Variants in PCDH15 observed in about 807,000 individuals in gnomAD.
PCDH15 encodes protocadherin related 15, also known as protocadherin-15.
PCDH15 carries 129 observed loss-of-function variants against 178.5 expected under a neutral mutation model. That is an observed-to-expected ratio of 0.72 (90% CI 0.63 to 0.84). The LOEUF is 0.84. Among genes scored for constraint, PCDH15 ranks in the 40% least tolerant of loss-of-function variants. PCDH15 has a pLI of 0.00. For missense variants in PCDH15, 2,230 were observed against 2,099.9 expected, an observed-to-expected ratio of 1.06 and a Z score of -1.21; for synonymous variants, 800 against 732.0, an observed-to-expected ratio of 1.09 and a Z score of -1.50.
At chr10:54,504,081 T>C (rs2080961577) in intron 3 of PCDH15, among the ~76,000 whole-genome samples, 1 of 152,162 alleles carries the variant, frequency 6.6e-6, no homozygotes, top group Non-Finnish European at 1.5e-5. Context: ...AGTTGTCTTC[T>C]AATCTTAAAA....
At chr10:55,595,125 G>T (rs1842913978) in intron 2 of PCDH15, among the ~76,000 whole-genome samples, 1 of 151,966 alleles carries the variant, frequency 6.6e-6, no homozygotes, top group Non-Finnish European at 1.5e-5. Flanking sequence ...ATAAGTTTCA[G>T]ATTCTTTGAA....
intron 18 of PCDH15, among the ~76,000 whole-genome samples, chr10:54,064,613 C>T (rs911183263): frequency 3.3e-5 from 5 of 152,194 alleles, no homozygotes; most frequent in African/African-American, 9.6e-5. Context: ...CTTGGCCTCC[C>T]TCCTATGTTC....
chr10:54,332,729 T>C (rs1196842692), intron 6 of PCDH15, among the ~76,000 whole-genome samples: 1 of 152,042 alleles, frequency 6.6e-6, no homozygotes, highest in Non-Finnish European at 1.5e-5. Flanking sequence ...CTTAAATGTC[T>C]AGCTAAGCAA....
intron 1 of PCDH15, among the ~76,000 whole-genome samples, chr10:54,718,524 T>C (rs12764105): frequency 0.12 from 18,191 of 151,858 alleles, 1,242 homozygotes; most frequent in East Asian, 0.25. Flanking sequence ...CTACAAATCA[T>C]ACATTATAGA....
At chr10:53,968,185 C>T (rs185344892) in intron 21 of PCDH15, among the ~76,000 whole-genome samples, 223 of 152,316 alleles carry the variant, frequency 1.5e-3, no homozygotes, top group African/African-American at 5.2e-3. Context: ...TCTTAGCAAA[C>T]GGCCCACCAG....
chr10:55,329,902 A>G (rs769750794), intron 2 of PCDH15, among the ~76,000 whole-genome samples: 4 of 151,666 alleles, frequency 2.6e-5, no homozygotes, highest in Non-Finnish European at 5.9e-5. Flanking sequence ...GTAACTGTTT[A>G]ATTAGGGTAA....
At chr10:55,234,263 T>C (rs549881855) in intron 1 of PCDH15, among the ~76,000 whole-genome samples, 1 of 152,268 alleles carries the variant, frequency 6.6e-6, no homozygotes, top group East Asian at 1.9e-4. Context: ...ACATGAAAGT[T>C]ACAGAAATAT....
rs527509597 is a variant in PCDH15 at position 55,024,699 on chromosome 10, T to A, written c.-79-127199A>T. On this transcript the variant is annotated intron_variant, in intron 2 of 5. Coordinates refer to the PCDH15 transcript ENST00000458638. ...GACTTAGAAATCTAAGAATTATCCT[T>A]ACTTCCTTATATTCTTGAAAGCTCA... Among the ~76,000 whole-genome samples the A allele has an allele frequency of 2.2e-3, 338 of 152,250 alleles. 3 individuals carry two copies. Among genetic ancestry groups the A allele is most frequent in the South Asian group, 8.5e-3 (41 of 4,834 alleles).
Position 54,161,576 on chromosome 10 carries a change from A to G in PCDH15, c.1591-8283T>C, listed in dbSNP as rs368655623. On this transcript the variant is annotated intron_variant, in intron 13 of 37. Coordinates refer to ENST00000644397, the MANE Select transcript of PCDH15 (RefSeq NM_001384140.1). ...TTTACTGGTCTTTGAATAAACACAGAAATTGACCCCCCACCCCCACCCCAC... is the reference window on the plus strand; with the variant it reads ...TTTACTGGTCTTTGAATAAACACAGGAATTGACCCCCCACCCCCACCCCAC... Among the ~76,000 whole-genome samples, 1,278 of 141,814 alleles carry G rather than the reference A, an allele frequency of 9.0e-3. 20 individuals are homozygous for G. Among genetic ancestry groups the G allele is most frequent in the African/African-American group, 0.03 (1,189 of 40,180 alleles). 93.0% of individuals were successfully genotyped at this position (141,814 alleles called of 152,430 possible).
rs1845289152 is a variant in PCDH15 at position 55,363,798 on chromosome 10, A to G, written c.-155-197147T>C. Among the ~76,000 whole-genome samples, 3 of 151,542 alleles carry G rather than the reference A, an allele frequency of 2.0e-5. No homozygotes were observed. The South Asian group carries it at 6.2e-4, about 32-fold the overall frequency. On this transcript the variant is annotated intron_variant, in intron 2 of 5. Coordinates refer to the PCDH15 transcript ENST00000613346. ...TTACAGGCATGCACCACCACACCCC[A>G]CTAACTTTTTTCATATTTTAGTAGA...
chr10:54,273,260 A>G (rs181208100), intron 8 of PCDH15, among the ~76,000 whole-genome samples: 2 of 152,222 alleles, frequency 1.3e-5, no homozygotes, highest in East Asian at 3.9e-4. Flanking sequence ...AAGGAAGACT[A>G]CTGAATACAG....
At chr10:53,867,990 G>C (rs1000292308) in intron 26 of PCDH15, among the ~76,000 whole-genome samples, 2 of 151,870 alleles carry the variant, frequency 1.3e-5, no homozygotes, top group African/African-American at 4.8e-5. Context: ...ACATTGTTTA[G>C]ATTTTTTTCA....
At chr10:55,272,512 C>T (rs1489478317) in intron 1 of PCDH15, among the ~76,000 whole-genome samples, 2 of 151,780 alleles carry the variant, frequency 1.3e-5, no homozygotes, top group East Asian at 3.9e-4. Flanking sequence ...TCAAGCGATT[C>T]TCCTGCCTAC....
chr10:54,942,322 A>T (rs970520606), intron 2 of PCDH15, among the ~76,000 whole-genome samples: 1 of 152,022 alleles, frequency 6.6e-6, no homozygotes, highest in African/African-American at 2.4e-5. Context: ...ACAGGTTTGC[A>T]TTGCTTCTAT....
chr10:55,094,014 C>A (rs563905758), intron 2 of PCDH15, among the ~76,000 whole-genome samples: 33 of 152,164 alleles, frequency 2.2e-4, no homozygotes, highest in African/African-American at 7.7e-4. Context: ...ACTAGAAATA[C>A]CATTTGACCC....
intron 3 of PCDH15, among the ~76,000 whole-genome samples, chr10:54,403,542 A>G (rs913553201): frequency 1.3e-5 from 2 of 151,996 alleles, no homozygotes; most frequent in Non-Finnish European, 2.9e-5. Flanking sequence ...CAGGACAAAG[A>G]TACCCCCTAT....
chr10:54,037,051 A>C (rs1195241913), intron 18 of PCDH15, among the ~76,000 whole-genome samples: 1 of 151,932 alleles, frequency 6.6e-6, no homozygotes, highest in Non-Finnish European at 1.5e-5. Context: ...GTGGAGCCTG[A>C]AGATGTGAGT....
At chr10:54,143,237 G>A (rs2043569756) in intron 14 of PCDH15, among the ~76,000 whole-genome samples, 1 of 152,120 alleles carries the variant, frequency 6.6e-6, no homozygotes, top group Non-Finnish European at 1.5e-5. Context: ...AGGATTATAT[G>A]AGATTCCTGT....
chr10:54,215,381 C>T (rs561844371), intron 9 of PCDH15, among the ~76,000 whole-genome samples: 3 of 152,004 alleles, frequency 2.0e-5, no homozygotes, highest in Non-Finnish European at 2.9e-5. Context: ...CCATTAAAAC[C>T]GACTGTAAAA....
Sources: allele counts gnomAD v4.1 joint callset (sites outside exome capture counted in the v4.1 genomes callset), GRCh38; gene constraint gnomAD v4.1.1; transcripts MANE v1.5; gene names NCBI Gene and HGNC (gene_info 2026-07-23, HGNC 2026-07-21).